Variants in SCHIP1 observed in about 807,000 individuals in gnomAD.
SCHIP1 encodes schwannomin interacting protein 1.
In SCHIP1, 8 loss-of-function variants were observed where a neutral mutation model predicts 29.7. The ratio of observed to expected loss-of-function variants is 0.27; its 90% CI spans 0.16 to 0.49. The LOEUF (loss-of-function observed/expected upper bound fraction) is 0.49, where lower values mean the gene tolerates loss of function less well. SCHIP1 is among the 20% of genes least tolerant of loss of function. The pLI, the probability that SCHIP1 is intolerant of heterozygous loss-of-function variation, is 0.99. For missense variants in SCHIP1, 193 were observed against 294.6 expected, an observed-to-expected ratio of 0.66 and a Z score of 2.52; for synonymous variants, 76 against 94.9, an observed-to-expected ratio of 0.80 and a Z score of 1.16.
At chr3:159,318,554 C>T in the SCHIP1 span, among the ~76,000 whole-genome samples, 1 of 152,188 alleles carries the variant, frequency 6.6e-6, no homozygotes, top group Non-Finnish European at 1.5e-5. Context: ...TGGGTGGTGC[C>T]TGCATATCGT....
At chr3:159,784,933 G>A in the SCHIP1 span, among the ~76,000 whole-genome samples, 8 of 152,318 alleles carry the variant, frequency 5.3e-5, no homozygotes, top group East Asian at 9.6e-4. Context: ...GATTATAGGC[G>A]TGAGCCACTG....
the SCHIP1 span, among the ~76,000 whole-genome samples, chr3:159,484,159 A>C: frequency 6.6e-6 from 1 of 152,194 alleles, no homozygotes; most frequent in Non-Finnish European, 1.5e-5. Context: ...TACTCCAATT[A>C]GTTGAAAATT....
the SCHIP1 span, among the ~76,000 whole-genome samples, chr3:159,708,624 A>G: frequency 1.2e-3 from 188 of 152,344 alleles, no homozygotes; most frequent in African/African-American, 4.4e-3. Context: ...CACTCAAAGA[A>G]TTTGGTTGAG....
At chr3:159,501,150 T>C in the SCHIP1 span, among the ~76,000 whole-genome samples, 1 of 152,130 alleles carries the variant, frequency 6.6e-6, no homozygotes, top group Non-Finnish European at 1.5e-5. Context: ...AGAAGCTGAG[T>C]TGTTTATTTG....
chr3:159,753,583 A>C, the SCHIP1 span, among the ~76,000 whole-genome samples: 1 of 152,078 alleles, frequency 6.6e-6, no homozygotes, highest in Admixed American at 6.6e-5. Context: ...TCTTCATTGA[A>C]TCTACCATCA....
intron 1 of SCHIP1, among the ~76,000 whole-genome samples, chr3:159,844,510 G>A (rs1242036902): frequency 6.6e-6 from 1 of 152,088 alleles, no homozygotes; most frequent in Non-Finnish European, 1.5e-5. Flanking sequence ...TGTCATTTGT[G>A]GTCTTAGCCC....
chr3:159,814,829 C>T, the SCHIP1 span, among the ~76,000 whole-genome samples: 19,271 of 152,104 alleles, frequency 0.13, 1,459 homozygotes, highest in Middle Eastern at 0.29. Context: ...TTGTATTTCT[C>T]GTTTGAAAAA....
the SCHIP1 span, among the ~76,000 whole-genome samples, chr3:159,453,027 A>AT: frequency 7.2e-5 from 11 of 152,214 alleles, no homozygotes; most frequent in Non-Finnish European, 1.5e-4. Context: ...TCTAAAAAAA[A>AT]CTGGGGAGAA....
chr3:159,778,015 C>T, the SCHIP1 span, among the ~76,000 whole-genome samples: 65 of 151,050 alleles, frequency 4.3e-4, no homozygotes, highest in Admixed American at 2.0e-3. Context: ...GATAGAGTCT[C>T]GCTCTGTCAC....
At chr3:159,753,183 C>A in the SCHIP1 span, among the ~76,000 whole-genome samples, 1 of 152,214 alleles carries the variant, frequency 6.6e-6, no homozygotes, top group Non-Finnish European at 1.5e-5. Flanking sequence ...AAGATCATGT[C>A]ACCTAAAACC....
At chr3:159,707,246 T>C in the SCHIP1 span, among the ~76,000 whole-genome samples, 1 of 152,128 alleles carries the variant, frequency 6.6e-6, no homozygotes, top group East Asian at 1.9e-4. Context: ...GTCAAGATCA[T>C]TGAATAAAAT....
At chr3:159,603,871 G>C in the SCHIP1 span, among the ~76,000 whole-genome samples, 1 of 152,144 alleles carries the variant, frequency 6.6e-6, no homozygotes. Flanking sequence ...AGAGTCCTGA[G>C]GGAGCACAGG....
the SCHIP1 span, among the ~76,000 whole-genome samples, chr3:159,296,976 G>A: frequency 6.6e-6 from 1 of 151,866 alleles, no homozygotes; most frequent in East Asian, 1.9e-4. Context: ...TACTTCTATG[G>A]GTTTGATTTT....
At chr3:159,775,040 G>A in the SCHIP1 span, among the ~76,000 whole-genome samples, 11 of 151,908 alleles carry the variant, frequency 7.2e-5, no homozygotes, top group Admixed American at 3.9e-4. Context: ...TGGGATATTA[G>A]CATAGTAGAC....
chr3:159,685,904 A>G, the SCHIP1 span, among the ~76,000 whole-genome samples: 1 of 152,250 alleles, frequency 6.6e-6, no homozygotes, highest in African/African-American at 2.4e-5. Flanking sequence ...GTAAGGCATT[A>G]TCAGGCCAAA....
chr3:159,523,644 C>T, the SCHIP1 span, among the ~76,000 whole-genome samples: 73 of 152,210 alleles, frequency 4.8e-4, no homozygotes, highest in African/African-American at 1.7e-3. Flanking sequence ...TTCATGCATG[C>T]ATTCATTTAT....
the SCHIP1 span, among the ~76,000 whole-genome samples, chr3:159,664,539 T>C: frequency 6.6e-6 from 1 of 152,196 alleles, no homozygotes; most frequent in Non-Finnish European, 1.5e-5. Context: ...CATATTAACA[T>C]TATAAGTTCA....
the SCHIP1 span, among the ~76,000 whole-genome samples, chr3:159,693,019 A>C: frequency 6.6e-6 from 1 of 152,152 alleles, no homozygotes; most frequent in Non-Finnish European, 1.5e-5. Context: ...TATTGCAATA[A>C]TTGTAGATTT....
At chr3:159,444,569 C>T in the SCHIP1 span, among the ~76,000 whole-genome samples, 1 of 151,966 alleles carries the variant, frequency 6.6e-6, no homozygotes, top group African/African-American at 2.4e-5. Flanking sequence ...TCTGAGGGAC[C>T]CATTCAGAGG....
Sources: allele counts gnomAD v4.1 joint callset (sites outside exome capture counted in the v4.1 genomes callset), GRCh38; gene constraint gnomAD v4.1.1; transcripts MANE v1.5; gene names NCBI Gene and HGNC (gene_info 2026-07-23, HGNC 2026-07-21).